RAB3C: variants seen among roughly 807,000 people sequenced by gnomAD.
RAB3C encodes the protein ras-related protein Rab-3C.
In RAB3C, 17 loss-of-function variants were observed where a neutral mutation model predicts 26.4. The observed-to-expected ratio is 0.64, with a 90% CI of 0.44 to 0.97. RAB3C has a LOEUF of 0.97. Among genes scored for constraint, RAB3C ranks in the 50% least tolerant of loss-of-function variants. RAB3C has a pLI of 0.00. For missense variants in RAB3C, 242 were observed against 281.9 expected, an observed-to-expected ratio of 0.86 and a Z score of 1.01; for synonymous variants, 91 against 95.9, an observed-to-expected ratio of 0.95 and a Z score of 0.30.
At chr5:58,785,674 C>T (rs1742362456) in intron 3 of RAB3C, among the ~76,000 whole-genome samples, 1 of 152,188 alleles carries the variant, frequency 6.6e-6, no homozygotes. Context: ...ACAAGGTGTT[C>T]ACATCCTAAT....
In RAB3C at chr5:58,662,717, A is replaced by G. The variant is rs773185311; in HGVS notation, c.252+44847A>G. 1.9e-4 allele frequency among the ~76,000 whole-genome samples: 28 copies of G among 150,406 alleles called. 1 individual carries two copies. The highest frequency in any genetic ancestry group is 2.9e-4 in the Non-Finnish European group (20 of 68,010). ...GAATATACCACAAGATACCATTTACATGAAATTCAAGGACAGACAAAAAGT... is the reference window on the plus strand; with the variant it reads ...GAATATACCACAAGATACCATTTACGTGAAATTCAAGGACAGACAAAAAGT... On this transcript the variant is annotated intron_variant, in intron 2 of 4. Coordinates refer to ENST00000282878, the MANE Select transcript of RAB3C (RefSeq NM_138453.4).
chr5:58,588,042 C>A (rs939238795), intron 1 of RAB3C, among the ~76,000 whole-genome samples: 1 of 152,072 alleles, frequency 6.6e-6, no homozygotes, highest in African/African-American at 2.4e-5. Context: ...TAATTCATTC[C>A]ATTTTATTGC....
intron 2 of RAB3C, among the ~76,000 whole-genome samples, chr5:58,642,667 G>A (rs1747433520): frequency 6.6e-6 from 1 of 152,160 alleles, no homozygotes; most frequent in East Asian, 1.9e-4. Context: ...GACTTGTGAT[G>A]GATGGTTTTT....
chr5:58,807,116 G>T (rs572597259), intron 3 of RAB3C, among the ~76,000 whole-genome samples: 1 of 152,294 alleles, frequency 6.6e-6, no homozygotes, highest in South Asian at 2.1e-4. Context: ...AGAAAGGGTT[G>T]CTTTAATCTG....
intron 3 of RAB3C, among the ~76,000 whole-genome samples, chr5:58,801,501 G>T (rs1360127362): frequency 1.3e-5 from 2 of 152,148 alleles, no homozygotes; most frequent in Non-Finnish European, 2.9e-5. Flanking sequence ...TAAAGACTAG[G>T]TTCCTATGCA....
chr5:58,761,514 C>T (rs2111976626), intron 3 of RAB3C, among the ~76,000 whole-genome samples: 1 of 152,292 alleles, frequency 6.6e-6, no homozygotes, highest in South Asian at 2.1e-4. Flanking sequence ...AGAATTTGAA[C>T]TGTTTCCAAG....
chr5:58,695,830 G>A (rs768029046), intron 2 of RAB3C, among the ~76,000 whole-genome samples: 22 of 152,142 alleles, frequency 1.4e-4, no homozygotes, highest in Non-Finnish European at 2.5e-4. Flanking sequence ...GGGCTGAGAC[G>A]ATGGGGTTTT....
At chr5:58,828,778 T>C (rs2112064337) in intron 4 of RAB3C, among the ~76,000 whole-genome samples, 1 of 152,316 alleles carries the variant, frequency 6.6e-6, no homozygotes, top group Non-Finnish European at 1.5e-5. Flanking sequence ...AGCATTTTTG[T>C]GACTTTTATA....
chr5:58,679,592 T>C (rs761761746), intron 2 of RAB3C, among the ~76,000 whole-genome samples: 3 of 152,204 alleles, frequency 2.0e-5, no homozygotes, highest in Non-Finnish European at 4.4e-5. Context: ...TCTCATAGCA[T>C]GCTGTTTATC....
chr5:58,739,674 T>A (rs1007391487), intron 3 of RAB3C, among the ~76,000 whole-genome samples: 3 of 152,226 alleles, frequency 2.0e-5, no homozygotes, highest in African/African-American at 7.2e-5. Flanking sequence ...TCTCACATAC[T>A]GTTCCCTTTC....
chr5:58,651,409 T>C (rs1747645614), intron 2 of RAB3C, among the ~76,000 whole-genome samples: 1 of 152,198 alleles, frequency 6.6e-6, no homozygotes, highest in Non-Finnish European at 1.5e-5. Context: ...GTGATGGTAA[T>C]GGTAGAGGTG....
At chr5:58,680,215 T>G (rs771494540) in intron 2 of RAB3C, among the ~76,000 whole-genome samples, 1 of 152,170 alleles carries the variant, frequency 6.6e-6, no homozygotes, top group Non-Finnish European at 1.5e-5. Flanking sequence ...ATACCAACAC[T>G]TTAGCTACTT....
chr5:58,820,497 T>C (rs1308536536), intron 3 of RAB3C, among the ~76,000 whole-genome samples: 1 of 152,158 alleles, frequency 6.6e-6, no homozygotes, highest in East Asian at 1.9e-4. Flanking sequence ...AAGCCAAACA[T>C]TGAACATTTG....
intron 2 of RAB3C, among the ~76,000 whole-genome samples, chr5:58,725,122 T>A (rs1030981219): frequency 6.6e-6 from 1 of 151,882 alleles, no homozygotes; most frequent in African/African-American, 2.4e-5. Flanking sequence ...ATGGGTCTGG[T>A]GGTGGTGAAT....
At chr5:58,673,581 T>A (rs1561285357) in intron 2 of RAB3C, among the ~76,000 whole-genome samples, 1 of 152,102 alleles carries the variant, frequency 6.6e-6, no homozygotes, top group Non-Finnish European at 1.5e-5. Context: ...CATCATACAT[T>A]TTATAGGGTT....
chr5:58,772,220 G>C (rs1174149548), intron 3 of RAB3C, among the ~76,000 whole-genome samples: 1 of 152,062 alleles, frequency 6.6e-6, no homozygotes, highest in Admixed American at 6.6e-5. Context: ...GACTGTACTT[G>C]GTTAACAATA....
At chr5:58,705,655 G>C (rs1355879872) in intron 2 of RAB3C, among the ~76,000 whole-genome samples, 1 of 152,070 alleles carries the variant, frequency 6.6e-6, no homozygotes, top group Non-Finnish European at 1.5e-5. Flanking sequence ...AGTAGATGAT[G>C]CCCACATTTT....
At chr5:58,784,396 C>T (rs539141505) in intron 3 of RAB3C, among the ~76,000 whole-genome samples, 45 of 152,092 alleles carry the variant, frequency 3.0e-4, no homozygotes, top group Non-Finnish European at 6.0e-4. Context: ...ACCATCAGAT[C>T]TTGTGAGACA....
chr5:58,617,623 T>C lies in RAB3C; in HGVS notation c.25-20T>C, dbSNP rs370960530. On this transcript the variant is annotated intron_variant, in intron 1 of 4. Transcript: ENST00000282878. ...GATCTACACCTATTTTGTTTTTGTT[T>C]TGTTTTGTTTTTATCACAGATGGCC... 2 of 1,589,516 alleles carry C rather than the reference T, an allele frequency of 1.3e-6. No individual in the cohort carries two copies. The highest frequency in any genetic ancestry group is 1.7e-6 in the Non-Finnish European group (2 of 1,157,856).
Sources: gnomAD v4.1 joint callset for allele counts (sites outside exome capture counted in the v4.1 genomes callset) on GRCh38, gnomAD v4.1.1 for gene constraint, MANE v1.5 for transcripts, NCBI Gene and HGNC (gene_info 2026-07-23, HGNC 2026-07-21) for gene names.